MAP7D2: variants seen among roughly 807,000 people sequenced by gnomAD.
MAP7D2 encodes the protein MAP7 domain containing 2, also known as MAP7 domain-containing protein 2.
In MAP7D2, 33 loss-of-function variants were observed where a neutral mutation model predicts 63.5. That is an observed-to-expected ratio of 0.52 (90% CI 0.39 to 0.70). The LOEUF (loss-of-function observed/expected upper bound fraction) is 0.70. Among genes scored for constraint, MAP7D2 ranks in the 30% least tolerant of loss-of-function variants. The pLI, the probability that MAP7D2 is intolerant of heterozygous loss-of-function variation, is 0.00. For synonymous variants in MAP7D2, 224 were observed against 223.7 expected, an observed-to-expected ratio of 1.00 and a Z score of -0.01; for missense variants, 626 against 604.0, an observed-to-expected ratio of 1.04 and a Z score of -0.38.
intron 1 of MAP7D2, among the ~76,000 whole-genome samples, chrX:20,103,831 C>G (rs1387029335): frequency 1.8e-5 from 2 of 111,537 alleles, no homozygotes; most frequent in East Asian, 5.6e-4. Context: ...CCTTGCATGT[C>G]TTATCTCTGC....
intron 1 of MAP7D2, among the ~76,000 whole-genome samples, chrX:20,066,042 C>A (rs985267122): frequency 5.5e-5 from 6 of 109,587 alleles, no homozygotes; most frequent in Admixed American, 3.9e-4. Context: ...CCTGCCTCAG[C>A]CTCCCGAGTA....
At chrX:20,025,337 C>A (rs1216539245) in intron 9 of MAP7D2, among the ~76,000 whole-genome samples, 1 of 112,153 alleles carries the variant, frequency 8.9e-6, no homozygotes. Context: ...GCAAGTGCCA[C>A]AGCAGCCACC....
At chrX:20,088,493 T>G (rs1243458575) in intron 1 of MAP7D2, among the ~76,000 whole-genome samples, 1 of 51,432 alleles carries the variant, frequency 1.9e-5, no homozygotes, top group African/African-American at 1.3e-4. Flanking sequence ...TTTTTTTTTT[T>G]TTTTTTTTTT....
At chrX:20,088,476 T>G (rs1190051097) in intron 1 of MAP7D2, among the ~76,000 whole-genome samples, 1 of 27,666 alleles carries the variant, frequency 3.6e-5, no homozygotes, top group Non-Finnish European at 5.3e-5. Context: ...CAGTTTTTTT[T>G]TTTTTTTTTT....
intron 6 of MAP7D2, among the ~76,000 whole-genome samples, chrX:20,045,291 C>T (rs2064765280): frequency 9.1e-6 from 1 of 110,497 alleles, no homozygotes; most frequent in African/African-American, 3.3e-5. Flanking sequence ...TAGCCATGGG[C>T]CGGGCATGGT....
At chrX:20,085,622 G>T (rs1367225770) in intron 1 of MAP7D2, among the ~76,000 whole-genome samples, 1 of 112,556 alleles carries the variant, frequency 8.9e-6, no homozygotes, top group Non-Finnish European at 1.9e-5. Context: ...CGTGATGGTT[G>T]TATGCACACA....
rs1180068820 is a variant in MAP7D2, at chrX:20,017,969, T to C, written c.1413-1644A>G. ...CAGGACCTGAAAATCCATTCTCTTT[T>C]TTTTTTTTTTTTTTTTGATGGCGTT... On this transcript the variant is annotated intron_variant, in intron 10 of 16. Transcript: ENST00000379643. Among the ~76,000 whole-genome samples the C allele has an allele frequency of 5.9e-5, 6 of 102,420 alleles. No homozygotes were observed. In the Admixed American group the frequency reaches 6.2e-4, roughly 11 times the overall value. The allele number at this position is 102,420 out of a possible 115,157, so 88.9% of individuals were successfully genotyped here. A position where few individuals can be genotyped will look rare whatever the true frequency, so the allele number is the denominator to read the frequency against.
At chrX:20,046,227 T>C (rs2064795550) in intron 6 of MAP7D2, among the ~76,000 whole-genome samples, 1 of 111,925 alleles carries the variant, frequency 8.9e-6, no homozygotes, top group South Asian at 3.8e-4. Flanking sequence ...GGCCCAAAAC[T>C]GTAAAAAGAT....
chrX:20,063,689 T>A (rs975589347), intron 2 of MAP7D2, 112 bp from the exon 3 acceptor site: 4 of 835,258 alleles, frequency 4.8e-6, no homozygotes, highest in Non-Finnish European at 6.7e-6. Flanking sequence ...CCTGGTAGGA[T>A]CCTAGCATGC....
In MAP7D2 at chrX:20,013,564, C is replaced by T; in HGVS notation, c.1806+5G>A. The stretch of plus-strand genomic sequence containing the variant: ...AACTATTAAAATGGTCATTTGAATT[C>T]CTACCTTCACTTGTGGAGACACATC... On this transcript the variant is annotated splice_donor_5th_base_variant and intron_variant, in intron 13 of 16. Coordinates refer to ENST00000379643, the MANE Select transcript of MAP7D2 (RefSeq NM_001168465.2). 1 of 1,183,318 alleles carries T rather than the reference C, an allele frequency of 8.5e-7. No homozygotes were observed. Among genetic ancestry groups the T allele is most frequent in the Middle Eastern group, 2.4e-4 (1 of 4,177 alleles).
In MAP7D2 at chrX:20,073,642, G is replaced by T. The variant is rs762164980; in HGVS notation, c.131-8837C>A. The stretch of plus-strand genomic sequence containing the variant: ...CCTCCCAGGTTCACACCATTCTCCT[G>T]CCTCAGCCTCCTGAGTAGCTGGGAC... On this transcript the variant is annotated intron_variant, in intron 1 of 16. Coordinates refer to ENST00000379643, the MANE Select transcript of MAP7D2 (RefSeq NM_001168465.2). Among the ~76,000 whole-genome samples, 153 of 105,570 alleles carry T rather than the reference G, an allele frequency of 1.4e-3. 1 individual carries two copies. Among genetic ancestry groups the T allele is most frequent in the African/African-American group, 5.0e-3 (147 of 29,214 alleles). 91.7% of individuals were successfully genotyped at this position (105,570 alleles called of 115,157 possible). A position where few individuals can be genotyped will look rare whatever the true frequency, so the allele number is the denominator to read the frequency against.
chrX:20,055,155 T>C (rs1003236607), intron 4 of MAP7D2, among the ~76,000 whole-genome samples: 4 of 111,270 alleles, frequency 3.6e-5, no homozygotes, highest in Admixed American at 2.9e-4. Flanking sequence ...GTTTGGCTAG[T>C]TCTGTTCTTG....
Position 20,012,567 on chromosome X carries a change from T to A in MAP7D2, c.1886-32A>T, listed in dbSNP as rs1203748913. On this transcript the variant is annotated intron_variant, in intron 14 of 16. Transcript: ENST00000379643. ...GAGAACACAAAGTCCCTTGTGTTAA[T>A]CATAAAATGTCTAAATAAAGTAACA... 4.7e-6 allele frequency: 5 copies of A among 1,066,816 alleles called. No homozygotes were observed. The South Asian group carries it at 1.2e-4, about 26-fold the overall frequency. 87.9% of individuals were successfully genotyped at this position (1,066,816 alleles called of 1,213,427 possible).
chrX:20,046,991 A>G (rs748093006), intron 6 of MAP7D2, among the ~76,000 whole-genome samples: 1 of 112,856 alleles, frequency 8.9e-6, no homozygotes, highest in East Asian at 2.8e-4. Context: ...TGCTGAAAGC[A>G]CCTTGGACTC....
intron 1 of MAP7D2, among the ~76,000 whole-genome samples, chrX:20,093,665 A>G (rs1170345570): frequency 9.9e-5 from 11 of 111,293 alleles, no homozygotes; most frequent in Non-Finnish European, 2.1e-4. Context: ...TCAAAAAAAA[A>G]TAAAAATAAA....
intron 1 of MAP7D2, among the ~76,000 whole-genome samples, chrX:20,098,026 C>G (rs1302948301): frequency 1.8e-5 from 2 of 111,689 alleles, no homozygotes; most frequent in Non-Finnish European, 3.8e-5. Flanking sequence ...ATCAATATGA[C>G]TATATTGATA....
intron 8 of MAP7D2, among the ~76,000 whole-genome samples, chrX:20,032,831 T>C (rs901357650): frequency 3.6e-5 from 4 of 112,116 alleles, no homozygotes; most frequent in African/African-American, 9.7e-5. Flanking sequence ...GCTGTGCCAA[T>C]TGAGAGCATA....
At chrX:20,079,689 T>A (rs945384428) in intron 1 of MAP7D2, among the ~76,000 whole-genome samples, 1 of 111,970 alleles carries the variant, frequency 8.9e-6, no homozygotes, top group Non-Finnish European at 1.9e-5. Flanking sequence ...ACTACCTACA[T>A]CCCAAGGTTA....
At chrX:20,065,854 T>C (rs2065344928) in intron 1 of MAP7D2, among the ~76,000 whole-genome samples, 1 of 111,935 alleles carries the variant, frequency 8.9e-6, no homozygotes, top group African/African-American at 3.2e-5. Flanking sequence ...TTACAAATAA[T>C]TTACTGCACT....
Sources: gnomAD v4.1 joint callset for allele counts (sites outside exome capture counted in the v4.1 genomes callset) on GRCh38, gnomAD v4.1.1 for gene constraint, MANE v1.5 for transcripts, NCBI Gene and HGNC (gene_info 2026-07-23, HGNC 2026-07-21) for gene names.